The following SLC24A3 variants were observed in gnomAD, a reference collection of about 807,000 sequenced individuals.
SLC24A3 encodes the protein solute carrier family 24 member 3.
Under a neutral mutation model 75.8 loss-of-function variants are expected in SLC24A3, and 28 were observed. That is an observed-to-expected ratio of 0.37 (90% confidence interval 0.27 to 0.51). The LOEUF is 0.51. SLC24A3 is among the 20% of genes least tolerant of loss of function. The pLI, the probability that SLC24A3 is intolerant of heterozygous loss-of-function variation, is 0.94. For missense variants in SLC24A3, 663 were observed against 847.8 expected (o/e 0.78, Z 2.71); for synonymous variants, 372 against 334.1 (o/e 1.11, Z -1.24).
chr20:19,291,440 G>A (rs927678692), intron 2 of SLC24A3, among the ~76,000 whole-genome samples: 3 of 152,270 alleles, frequency 2.0e-5, no homozygotes, highest in Non-Finnish European at 1.5e-5. Context: ...AGTGGGCCAC[G>A]GCCACACCTC....
intron 3 of SLC24A3, among the ~76,000 whole-genome samples, chr20:19,566,344 C>T (rs916931614): frequency 1.3e-5 from 2 of 152,226 alleles, no homozygotes; most frequent in African/African-American, 2.4e-5. Flanking sequence ...AAAGATGGTC[C>T]TCCACTGTCC....
chr20:19,502,287 CAT>C (rs1988395825), intron 2 of SLC24A3, among the ~76,000 whole-genome samples: 1 of 152,206 alleles, frequency 6.6e-6, no homozygotes, highest in South Asian at 2.1e-4. Flanking sequence ...CTATAATAGA[CAT>C]ATAAATTTCC....
chr20:19,573,420 C>T (rs867737497), intron 3 of SLC24A3, among the ~76,000 whole-genome samples: 89 of 152,344 alleles, frequency 5.8e-4, no homozygotes, highest in African/African-American at 2.1e-3. Flanking sequence ...GGGTCAATAG[C>T]CACTTCCTCA....
chr20:19,270,810 A>AAGAG (rs962876068), intron 1 of SLC24A3, among the ~76,000 whole-genome samples: 2 of 151,268 alleles, frequency 1.3e-5, no homozygotes, highest in African/African-American at 4.8e-5. Flanking sequence ...GGGTGGAAGA[A>AAGAG]AGAGAGAGAG....
chr20:19,224,147 T>TGA (rs1424117385), intron 1 of SLC24A3, among the ~76,000 whole-genome samples: 96 of 140,008 alleles, frequency 6.9e-4, no homozygotes, highest in African/African-American at 2.3e-3. Flanking sequence ...TGTGTGTGTG[T>TGA]GAGAGTATTG....
intron 2 of SLC24A3, among the ~76,000 whole-genome samples, chr20:19,356,547 G>A (rs906134838): frequency 6.6e-6 from 1 of 152,188 alleles, no homozygotes; most frequent in Non-Finnish European, 1.5e-5. Context: ...TTTGCATGGT[G>A]TCCTATAGTG....
chr20:19,431,016 ATC>A (rs1346047081), intron 2 of SLC24A3, among the ~76,000 whole-genome samples: 1 of 152,030 alleles, frequency 6.6e-6, no homozygotes, highest in Non-Finnish European at 1.5e-5. Flanking sequence ...ACAGACAGGT[ATC>A]TCTGCTGGGG....
At chr20:19,494,679 G>A (rs1241363652) in intron 2 of SLC24A3, among the ~76,000 whole-genome samples, 1 of 152,140 alleles carries the variant, frequency 6.6e-6, no homozygotes, top group Non-Finnish European at 1.5e-5. Flanking sequence ...GTCTTCCTGA[G>A]CCTGGAATTT....
At chr20:19,556,360 T>C (rs2030783903) in intron 3 of SLC24A3, among the ~76,000 whole-genome samples, 1 of 152,106 alleles carries the variant, frequency 6.6e-6, no homozygotes, top group Non-Finnish European at 1.5e-5. Context: ...AAATCAGTCA[T>C]GGTGTTAATA....
intron 2 of SLC24A3, among the ~76,000 whole-genome samples, chr20:19,436,934 G>A (rs1568617628): frequency 6.6e-6 from 1 of 152,208 alleles, no homozygotes; most frequent in Non-Finnish European, 1.5e-5. Context: ...CCATTGATGA[G>A]AAAGCTAGAA....
At chr20:19,663,463 C>CCTCCACCTCCTCCTCCTCCACCTCCTT (rs2032361343) in intron 7 of SLC24A3, among the ~76,000 whole-genome samples, 1 of 48,146 alleles carries the variant, frequency 2.1e-5, no homozygotes, top group African/African-American at 4.7e-5. Flanking sequence ...ACTTCCTCCT[C>CCTCCACCTCCTCCTCCTCCACCTCCTT]CTCCTCCTCC....
intron 3 of SLC24A3, among the ~76,000 whole-genome samples, chr20:19,554,931 A>C (rs1246968651): frequency 6.6e-6 from 1 of 152,130 alleles, no homozygotes; most frequent in Non-Finnish European, 1.5e-5. Flanking sequence ...AACAGAGAAC[A>C]AGTCCTGATG....
Position 19,356,630 on chromosome 20 carries a change from C to T in SLC24A3, c.271+75543C>T, listed in dbSNP as rs56301330. 2.6e-3 allele frequency among the ~76,000 whole-genome samples: 399 copies of T among 152,266 alleles called. 3 individuals are homozygous for T. Among genetic ancestry groups the T allele is most frequent in the African/African-American group, 9.4e-3 (389 of 41,526 alleles). ...GGATTGTTTCCAGTTCTTCACATGA[C>T]AGTACTCCACAGAACATTCTTGTGG... On this transcript the variant is annotated intron_variant, in intron 2 of 16. Coordinates refer to ENST00000328041, the MANE Select transcript of SLC24A3 (RefSeq NM_020689.4).
intron 6 of SLC24A3, among the ~76,000 whole-genome samples, chr20:19,605,748 T>A (rs555321700): frequency 6.6e-6 from 1 of 152,278 alleles, no homozygotes; most frequent in Non-Finnish European, 1.5e-5. Context: ...AATCAACCCA[T>A]CGAACGTGCC....
chr20:19,430,774 GCACA>G (rs138066072), intron 2 of SLC24A3, among the ~76,000 whole-genome samples: 8 of 150,168 alleles, frequency 5.3e-5, no homozygotes, highest in South Asian at 2.1e-4. Context: ...TTGCATGCAT[GCACA>G]CACACACACA....
Position 19,673,642 on chromosome 20 carries a change from T to C in SLC24A3, c.755T>C (p.Ile252Thr), listed in dbSNP as rs1443335078. ...LVLVLMYLIY[I>T]VIMKYNACIH... The stretch of plus-strand genomic sequence containing the variant: ...CTTGTGCTGATGTATCTTATCTACA[T>C]TGTCATCATGAAGTAAGTAAAATTT... Residue 252 changes from isoleucine (I) to threonine (T), a missense_variant, in exon 9 of 17, where the codon ATT becomes ACT. Coordinates refer to ENST00000328041, the MANE Select transcript of SLC24A3 (RefSeq NM_020689.4). 1.2e-6 allele frequency: 2 copies of C among 1,613,994 alleles called. No homozygotes were observed. Among genetic ancestry groups the C allele is most frequent in the South Asian group, 2.2e-5 (2 of 91,072 alleles).
intron 2 of SLC24A3, among the ~76,000 whole-genome samples, chr20:19,495,370 C>T (rs900736051): frequency 3.3e-5 from 5 of 152,186 alleles, no homozygotes; most frequent in Non-Finnish European, 5.9e-5. Context: ...TGAGAACTCC[C>T]TTTCCTTTCC....
At chr20:19,677,230 C>T (rs956523260) in intron 9 of SLC24A3, among the ~76,000 whole-genome samples, 2 of 148,370 alleles carry the variant, frequency 1.3e-5, no homozygotes, top group Admixed American at 6.8e-5. Flanking sequence ...AAAGCTGGAG[C>T]GAGAGGATTG....
intron 3 of SLC24A3, among the ~76,000 whole-genome samples, chr20:19,539,644 T>A (rs528182037): frequency 7.9e-5 from 12 of 152,210 alleles, no homozygotes; most frequent in Middle Eastern, 6.8e-3. Flanking sequence ...ATCATAAGGG[T>A]CTCAACTGAC....
Sources: gnomAD v4.1 joint callset for allele counts (sites outside exome capture counted in the v4.1 genomes callset) on GRCh38, gnomAD v4.1.1 for gene constraint, MANE v1.5 for transcripts, NCBI Gene and HGNC (gene_info 2026-07-23, HGNC 2026-07-21) for gene names.